Variants in AKAP6 observed in about 807,000 individuals in gnomAD.
AKAP6 encodes the protein A-kinase anchoring protein 6, also known as A-kinase anchor protein 6.
Under a neutral mutation model 188.5 loss-of-function variants are expected in AKAP6, and 58 were observed. The ratio of observed to expected loss-of-function variants is 0.31; its 90% CI spans 0.25 to 0.38. AKAP6 has a LOEUF of 0.38. AKAP6 is among the 10% of genes least tolerant of loss of function. The pLI, the probability that AKAP6 is intolerant of heterozygous loss-of-function variation, is 1.00. For synonymous variants in AKAP6, 989 were observed against 998.6 expected (o/e 0.99, Z 0.18); for missense variants, 2,710 against 2,740.0 (o/e 0.99, Z 0.24).
chr14:32,808,597 G>A (rs1018617247), intron 12 of AKAP6, among the ~76,000 whole-genome samples: 3 of 152,162 alleles, frequency 2.0e-5, no homozygotes, highest in African/African-American at 7.2e-5. Flanking sequence ...CATGCTTTTT[G>A]CTCCTTTCTT....
At chr14:32,775,213 G>GATT (rs930320257) in intron 12 of AKAP6, among the ~76,000 whole-genome samples, 1 of 152,076 alleles carries the variant, frequency 6.6e-6, no homozygotes, top group Non-Finnish European at 1.5e-5. Context: ...GGGCAGATGA[G>GATT]ATTATTATTA....
At chr14:32,658,802 CTATA>C (rs1451571500) in intron 7 of AKAP6, among the ~76,000 whole-genome samples, 10 of 149,588 alleles carry the variant, frequency 6.7e-5, no homozygotes, top group African/African-American at 2.5e-4. Flanking sequence ...AAAAGCCTAA[CTATA>C]TTTCTTTCTT....
At chr14:32,532,555 C>T (rs983677686) in intron 2 of AKAP6, among the ~76,000 whole-genome samples, 3 of 152,152 alleles carry the variant, frequency 2.0e-5, no homozygotes, top group African/African-American at 7.2e-5. Flanking sequence ...GAACAGATGG[C>T]ATGTGCTTTT....
intron 8 of AKAP6, among the ~76,000 whole-genome samples, chr14:32,695,245 T>C (rs772999911): frequency 1.8e-4 from 27 of 152,222 alleles, no homozygotes; most frequent in Non-Finnish European, 3.1e-4. Flanking sequence ...GGGGAACACC[T>C]GTCTAATACT....
intron 11 of AKAP6, among the ~76,000 whole-genome samples, chr14:32,738,579 T>A (rs919958725): frequency 9.2e-5 from 14 of 152,176 alleles, no homozygotes; most frequent in Admixed American, 6.5e-4. Flanking sequence ...TATGATGACC[T>A]TCTTATATGT....
At chr14:32,788,158 C>G (rs1346270267) in intron 12 of AKAP6, among the ~76,000 whole-genome samples, 1 of 151,748 alleles carries the variant, frequency 6.6e-6, no homozygotes, top group African/African-American at 2.4e-5. Flanking sequence ...GTGACAGTTT[C>G]CAGTAGACAG....
chr14:32,820,888 A>G (rs1189084059), intron 12 of AKAP6, among the ~76,000 whole-genome samples: 2 of 152,170 alleles, frequency 1.3e-5, no homozygotes, highest in African/African-American at 2.4e-5. Context: ...CATGGTGGCT[A>G]CAACTCTATT....
At chr14:32,656,621 A>T (rs1043815745) in intron 7 of AKAP6, among the ~76,000 whole-genome samples, 2 of 152,204 alleles carry the variant, frequency 1.3e-5, no homozygotes, top group African/African-American at 2.4e-5. Flanking sequence ...ATGAAGGGGA[A>T]TACATACGTT....
chr14:32,524,287 A>G (rs73269428), intron 2 of AKAP6, among the ~76,000 whole-genome samples: 7,771 of 152,100 alleles, frequency 0.051, 667 homozygotes, highest in African/African-American at 0.18. Context: ...TCACTTTTGG[A>G]GGGATGAAGC....
At chr14:32,457,672 G>T (rs1566514303) in intron 2 of AKAP6, among the ~76,000 whole-genome samples, 1 of 152,134 alleles carries the variant, frequency 6.6e-6, no homozygotes, top group Non-Finnish European at 1.5e-5. Flanking sequence ...TAGAGTTCAG[G>T]CGCCTGGTGA....
intron 1 of AKAP6, among the ~76,000 whole-genome samples, chr14:32,404,520 C>T (rs1430881434): frequency 6.6e-6 from 1 of 151,308 alleles, no homozygotes; most frequent in African/African-American, 2.4e-5. Context: ...ATTTCCCCCA[C>T]TCTTCCCTGA....
chr14:32,816,052 T>C (rs558731006), intron 12 of AKAP6, among the ~76,000 whole-genome samples: 2 of 152,328 alleles, frequency 1.3e-5, no homozygotes, highest in South Asian at 4.1e-4. Context: ...ATTTCTATTT[T>C]ATTCTATGTT....
At chr14:32,659,379 C>A (rs1275198260) in intron 7 of AKAP6, among the ~76,000 whole-genome samples, 1 of 152,068 alleles carries the variant, frequency 6.6e-6, no homozygotes, top group African/African-American at 2.4e-5. Context: ...GATTTGTATT[C>A]TGACTGTACT....
intron 7 of AKAP6, among the ~76,000 whole-genome samples, chr14:32,619,737 A>G (rs1413218851): frequency 6.6e-6 from 1 of 152,122 alleles, no homozygotes; most frequent in Non-Finnish European, 1.5e-5. Context: ...TAGGAATTGC[A>G]TTGAATCTGT....
chr14:32,423,489 TTTA>T (rs1258731718), intron 1 of AKAP6, among the ~76,000 whole-genome samples: 3 of 152,140 alleles, frequency 2.0e-5, no homozygotes, highest in Non-Finnish European at 4.4e-5. Context: ...ATAACTTATT[TTTA>T]TTAACAACTT....
intron 1 of AKAP6, among the ~76,000 whole-genome samples, chr14:32,388,042 A>G (rs538716937): frequency 6.6e-6 from 1 of 152,010 alleles, no homozygotes; most frequent in Admixed American, 6.6e-5. Flanking sequence ...TGGTCTGTTT[A>G]GGGTATCTAA....
intron 11 of AKAP6, among the ~76,000 whole-genome samples, chr14:32,756,008 A>G (rs556361812): frequency 6.6e-6 from 1 of 152,220 alleles, no homozygotes; most frequent in Non-Finnish European, 1.5e-5. Flanking sequence ...TCACCAGTCA[A>G]TTGGTCTAGA....
chr14:32,362,465 T>C (rs559455406), intron 1 of AKAP6, among the ~76,000 whole-genome samples: 1 of 152,248 alleles, frequency 6.6e-6, no homozygotes, highest in South Asian at 2.1e-4. Flanking sequence ...GAAGGCAACA[T>C]TTGAGCTGGA....
At chr14:32,457,149 T>C (rs180857152) in intron 2 of AKAP6, among the ~76,000 whole-genome samples, 64 of 152,274 alleles carry the variant, frequency 4.2e-4, no homozygotes, top group African/African-American at 1.3e-3. Flanking sequence ...TCTGAATAAA[T>C]TTAATTTGTT....
Sources: gnomAD v4.1 joint callset for allele counts (sites outside exome capture counted in the v4.1 genomes callset) on GRCh38, gnomAD v4.1.1 for gene constraint, MANE v1.5 for transcripts, NCBI Gene and HGNC (gene_info 2026-07-23, HGNC 2026-07-21) for gene names.